TMEM117: variants seen among roughly 807,000 people sequenced by gnomAD.
TMEM117 encodes the protein transmembrane protein 117.
TMEM117 carries 27 observed loss-of-function variants against 52.4 expected under a neutral mutation model. The observed-to-expected ratio is 0.51, with a 90% CI of 0.38 to 0.71. The LOEUF (loss-of-function observed/expected upper bound fraction) is 0.71, where lower values mean the gene tolerates loss of function less well. Among genes scored for constraint, TMEM117 ranks in the 30% least tolerant of loss-of-function variants. The pLI, the probability that TMEM117 is intolerant of heterozygous loss-of-function variation, is 0.00. For synonymous variants in TMEM117, 215 were observed against 206.3 expected, an observed-to-expected ratio of 1.04 and a Z score of -0.36; for missense variants, 556 against 630.5, an observed-to-expected ratio of 0.88 and a Z score of 1.26.
At chr12:44,107,173 C>G (rs1947970477) in intron 3 of TMEM117, among the ~76,000 whole-genome samples, 1 of 152,032 alleles carries the variant, frequency 6.6e-6, no homozygotes, top group African/African-American at 2.4e-5. Flanking sequence ...AAACTATCAT[C>G]AATTTCTACT....
At chr12:44,242,725 T>G (rs1330105511) in intron 5 of TMEM117, among the ~76,000 whole-genome samples, 1 of 148,288 alleles carries the variant, frequency 6.7e-6, no homozygotes, top group Non-Finnish European at 1.5e-5. Flanking sequence ...TATAGATATA[T>G]TCTATCTATA....
At chr12:44,365,470 C>T (rs1951777804) in intron 6 of TMEM117, among the ~76,000 whole-genome samples, 1 of 151,982 alleles carries the variant, frequency 6.6e-6, no homozygotes, top group African/African-American at 2.4e-5. Flanking sequence ...AAAAATCTTA[C>T]TATGGTAAAC....
chr12:43,908,104 G>A (rs1199111433), intron 2 of TMEM117, among the ~76,000 whole-genome samples: 2 of 61,556 alleles, frequency 3.2e-5, no homozygotes, highest in African/African-American at 6.2e-5. Context: ...GAGAAAGGTC[G>A]GGTTACCCTC....
chr12:43,806,150 C>A, the TMEM117 span: 2 of 1,532,712 alleles, frequency 1.3e-6, no homozygotes, highest in South Asian at 1.2e-5. Flanking sequence ...CCCTGCCGGT[C>A]CTGCAGCCCT....
At chr12:44,122,762 G>A (rs1261582082) in intron 3 of TMEM117, among the ~76,000 whole-genome samples, 1 of 152,162 alleles carries the variant, frequency 6.6e-6, no homozygotes, top group Non-Finnish European at 1.5e-5. Flanking sequence ...TTTTATGGTG[G>A]CATAGTATTC....
chr12:43,870,092 A>G (rs908945852), intron 2 of TMEM117, among the ~76,000 whole-genome samples: 9 of 152,168 alleles, frequency 5.9e-5, no homozygotes, highest in African/African-American at 1.4e-4. Context: ...CCTACAAAGG[A>G]CATGATCTCA....
chr12:44,000,648 T>G lies in TMEM117; in HGVS notation c.410+56306T>G, dbSNP rs562902910. ...GTACCTCCGGGACACTGGATGGATCTAGCCCTTGCCCACCTCCAGAATGAA... is the reference window on the plus strand; with the variant it reads ...GTACCTCCGGGACACTGGATGGATCGAGCCCTTGCCCACCTCCAGAATGAA... On this transcript the variant is annotated intron_variant, in intron 3 of 7. Transcript: ENST00000266534. Among the ~76,000 whole-genome samples the G allele has an allele frequency of 2.6e-4, 39 of 152,292 alleles. 2 individuals are homozygous for G. Among genetic ancestry groups the G allele is most frequent in the African/African-American group, 9.4e-4 (39 of 41,558 alleles).
chr12:43,861,274 T>C (rs1188225418), intron 2 of TMEM117, among the ~76,000 whole-genome samples: 1 of 152,194 alleles, frequency 6.6e-6, no homozygotes, highest in Non-Finnish European at 1.5e-5. Flanking sequence ...TCTTTCTTTC[T>C]CTAGGGATGA....
intron 5 of TMEM117, among the ~76,000 whole-genome samples, chr12:44,274,411 A>G (rs981724713): frequency 1.3e-5 from 2 of 152,188 alleles, no homozygotes; most frequent in African/African-American, 4.8e-5. Context: ...TGCAATCTCT[A>G]TCAAAATACT....
chr12:44,374,646 G>C, intron 6 of TMEM117, among the ~76,000 whole-genome samples: 1 of 151,298 alleles, frequency 6.6e-6, no homozygotes, highest in East Asian at 1.9e-4. Context: ...GTGTGTGTGT[G>C]TGTGTGTGTA....
intron 2 of TMEM117, among the ~76,000 whole-genome samples, chr12:43,939,287 T>G (rs371045486): frequency 2.0e-5 from 3 of 152,296 alleles, no homozygotes; most frequent in South Asian, 4.1e-4. Flanking sequence ...AAATCATATA[T>G]AGGTTTTAGA....
At chr12:43,900,641 C>T (rs998814567) in intron 2 of TMEM117, among the ~76,000 whole-genome samples, 2 of 150,994 alleles carry the variant, frequency 1.3e-5, no homozygotes, top group African/African-American at 2.4e-5. Context: ...TCGCTTGAAC[C>T]AAGGAGATGG....
intron 3 of TMEM117, among the ~76,000 whole-genome samples, chr12:44,010,728 C>A (rs1946276852): frequency 6.6e-6 from 1 of 152,236 alleles, no homozygotes; most frequent in South Asian, 2.1e-4. Flanking sequence ...AGTCCCTTTT[C>A]CAATAACACT....
chr12:43,888,832 G>A (rs1272203632), intron 2 of TMEM117, among the ~76,000 whole-genome samples: 1 of 152,082 alleles, frequency 6.6e-6, no homozygotes, highest in East Asian at 1.9e-4. Flanking sequence ...ACAGGTGTGA[G>A]CCACCATGCC....
intron 3 of TMEM117, among the ~76,000 whole-genome samples, chr12:44,069,621 C>CAGT (rs1947271499): frequency 6.6e-6 from 1 of 152,142 alleles, no homozygotes; most frequent in African/African-American, 2.4e-5. Flanking sequence ...GAAAGGCTGA[C>CAGT]AGTACCCTGT....
intron 4 of TMEM117, among the ~76,000 whole-genome samples, chr12:44,210,797 G>C (rs1016409269): frequency 6.6e-6 from 1 of 152,096 alleles, no homozygotes; most frequent in Non-Finnish European, 1.5e-5. Flanking sequence ...TTGTGGGTGA[G>C]AGAATGCTAG....
At chr12:44,086,077 G>A (rs937331480) in intron 3 of TMEM117, among the ~76,000 whole-genome samples, 1 of 152,046 alleles carries the variant, frequency 6.6e-6, no homozygotes, top group Admixed American at 6.6e-5. Flanking sequence ...CCCAACATCA[G>A]TTTTAACAAA....
At chr12:43,803,481 AT>A in the TMEM117 span, among the ~76,000 whole-genome samples, 4 of 152,150 alleles carry the variant, frequency 2.6e-5, no homozygotes, top group Non-Finnish European at 5.9e-5. Flanking sequence ...TTATGATACA[AT>A]TTTAGTCTTT....
chr12:44,384,427 C>T (rs544391769), intron 7 of TMEM117, among the ~76,000 whole-genome samples: 1 of 152,094 alleles, frequency 6.6e-6, no homozygotes, highest in Non-Finnish European at 1.5e-5. Context: ...TCCCCACCCC[C>T]ACATGGCCTC....
Sources: allele counts gnomAD v4.1 joint callset (sites outside exome capture counted in the v4.1 genomes callset), GRCh38; gene constraint gnomAD v4.1.1; transcripts MANE v1.5; gene names NCBI Gene and HGNC (gene_info 2026-07-23, HGNC 2026-07-21).